Variants in MME observed in about 807,000 individuals in gnomAD.
The protein encoded by MME is membrane metalloendopeptidase.
MME carries 98 observed loss-of-function variants against 113.2 expected under a neutral mutation model. That is an observed-to-expected ratio of 0.87 (90% CI 0.74 to 1.02). The LOEUF (loss-of-function observed/expected upper bound fraction) is 1.02, where lower values mean the gene tolerates loss of function less well. MME is among the 50% of genes least tolerant of loss of function. The pLI is 0.00. For missense variants in MME, 836 were observed against 896.0 expected (o/e 0.93, Z 0.86); for synonymous variants, 292 against 300.6 (o/e 0.97, Z 0.30).
chr3:155,152,375 C>T (rs931926401), intron 16 of MME, among the ~76,000 whole-genome samples: 4 of 152,232 alleles, frequency 2.6e-5, no homozygotes, highest in South Asian at 4.1e-4. Flanking sequence ...CATTTTACTA[C>T]GTTTAGTTGG....
chr3:155,025,755 C>T (rs1357323486), intron 1 of MME, among the ~76,000 whole-genome samples: 4 of 134,772 alleles, frequency 3.0e-5, no homozygotes, highest in Non-Finnish European at 4.7e-5. Flanking sequence ...TGCAATGGCA[C>T]GATCTCGGCT....
At chr3:155,138,813 A>T (rs1720840432) in intron 9 of MME, among the ~76,000 whole-genome samples, 1 of 152,140 alleles carries the variant, frequency 6.6e-6, no homozygotes, top group African/African-American at 2.4e-5. Flanking sequence ...TTGGAGTCTG[A>T]GTTGGCACTT....
At chr3:155,172,358 A>G (rs1473351346) in intron 21 of MME, 146 bp downstream of exon 21, 1 of 795,054 alleles carries the variant, frequency 1.3e-6, no homozygotes, top group Non-Finnish European at 2.2e-6. Context: ...CTGTTGGATC[A>G]TATTAATGAT....
chr3:155,160,394 A>G lies in MME; in HGVS notation c.1606A>G (p.Ile536Val), dbSNP rs201069829. ...GAGTTCTTATGTTTTCTACAGGTGG[A>G]TAAGTGGAGCAGCTGTAGTCAATGC... Reference protein sequence around the residue: ...LREKVDKDEWISGAAVVNAFY... With the variant: ...LREKVDKDEWVSGAAVVNAFY... The change falls in exon 17 of 23, where the codon ATA becomes GTA. Residue 536 changes from isoleucine (I) to valine (V), a missense_variant. By Grantham distance (29) the Ile-to-Val change is conservative. Coordinates refer to ENST00000360490, the MANE Select transcript of MME (RefSeq NM_007289.4). The G allele has an allele frequency of 6.2e-7, 1 of 1,605,610 alleles. No homozygotes were observed. The highest frequency in any genetic ancestry group is 8.5e-7 in the Non-Finnish European group (1 of 1,172,606).
chr3:155,161,375 T>C (rs1722712005), intron 17 of MME, among the ~76,000 whole-genome samples: 1 of 152,124 alleles, frequency 6.6e-6, no homozygotes, highest in Admixed American at 6.6e-5. Flanking sequence ...AGAGAGATGA[T>C]AATCTCAGCA....
intron 16 of MME, among the ~76,000 whole-genome samples, chr3:155,157,075 T>G (rs1722371316): frequency 6.6e-6 from 1 of 152,112 alleles, no homozygotes; most frequent in Non-Finnish European, 1.5e-5. Flanking sequence ...GTCAGGTATA[T>G]TTCAGTTCTA....
chr3:155,139,667 T>C (rs553851946), intron 9 of MME, among the ~76,000 whole-genome samples: 69 of 152,300 alleles, frequency 4.5e-4, no homozygotes, highest in African/African-American at 1.5e-3. Context: ...ATGTTGCCAT[T>C]CTCAGATAAC....
chr3:155,164,328 C>A (rs1314341159), intron 17 of MME, among the ~76,000 whole-genome samples: 3 of 151,946 alleles, frequency 2.0e-5, no homozygotes, highest in Admixed American at 6.6e-5. Context: ...TGCTTCATGG[C>A]CCAATGACTT....
At chr3:155,029,851 A>C (rs763850851) in intron 1 of MME, among the ~76,000 whole-genome samples, 4 of 152,178 alleles carry the variant, frequency 2.6e-5, no homozygotes, top group Admixed American at 6.5e-5. Context: ...CAATTAATTA[A>C]AGTTCTTTCC....
chr3:155,055,781 G>A (rs1224930294), intron 1 of MME, among the ~76,000 whole-genome samples: 2 of 152,154 alleles, frequency 1.3e-5, no homozygotes, highest in Non-Finnish European at 2.9e-5. Context: ...GTGATTGCCA[G>A]TTATGCAGGC....
intron 8 of MME, 30 bp downstream of exon 8, chr3:155,118,841 A>G: frequency 7.4e-7 from 1 of 1,346,442 alleles, no homozygotes; most frequent in Non-Finnish European, 1.1e-6. Flanking sequence ...TCAAAACCAA[A>G]CTACAAAATG....
intron 20 of MME, among the ~76,000 whole-genome samples, chr3:155,170,629 G>A (rs1452507412): frequency 6.6e-6 from 1 of 151,942 alleles, no homozygotes; most frequent in Non-Finnish European, 1.5e-5. Context: ...CCTAGCATTG[G>A]GTATTTTGCT....
intron 1 of MME, among the ~76,000 whole-genome samples, chr3:155,069,188 A>G (rs1714474814): frequency 6.6e-6 from 1 of 152,200 alleles, no homozygotes; most frequent in Non-Finnish European, 1.5e-5. Flanking sequence ...GATATGGATA[A>G]AAACAGTCAA....
chr3:155,064,460 G>GT (rs1714320629), intron 1 of MME, among the ~76,000 whole-genome samples: 1 of 152,092 alleles, frequency 6.6e-6, no homozygotes, highest in African/African-American at 2.4e-5. Context: ...AAAAAGGTTT[G>GT]TTTCATTTCT....
At chr3:155,065,601 A>T (rs993872269) in intron 1 of MME, among the ~76,000 whole-genome samples, 1 of 152,224 alleles carries the variant, frequency 6.6e-6, no homozygotes, top group Non-Finnish European at 1.5e-5. Context: ...TTGTCTCTTT[A>T]TCTGCTAGTA....
chr3:155,122,314 CT>C, intron 8 of MME, among the ~76,000 whole-genome samples: 1 of 150,050 alleles, frequency 6.7e-6, no homozygotes, highest in African/African-American at 2.4e-5. Flanking sequence ...CTCTTTTTTT[CT>C]TTATTAGTCT....
At chr3:155,028,215 A>G (rs1712851193) in intron 1 of MME, among the ~76,000 whole-genome samples, 1 of 152,220 alleles carries the variant, frequency 6.6e-6, no homozygotes, top group Non-Finnish European at 1.5e-5. Context: ...CAGAAGAGAA[A>G]CAAGTAAACA....
intron 17 of MME, among the ~76,000 whole-genome samples, chr3:155,164,807 T>C (rs1386938042): frequency 6.6e-6 from 1 of 152,232 alleles, no homozygotes; most frequent in African/African-American, 2.4e-5. Context: ...ATAACTTTCA[T>C]AAAAATTCTC....
intron 10 of MME, among the ~76,000 whole-genome samples, chr3:155,140,863 C>G (rs905575873): frequency 2.0e-5 from 3 of 152,210 alleles, no homozygotes; most frequent in Admixed American, 2.0e-4. Flanking sequence ...CCTTTTAACT[C>G]CAAAAAAGGA....
Sources: gnomAD v4.1 joint callset for allele counts (sites outside exome capture counted in the v4.1 genomes callset) on GRCh38, gnomAD v4.1.1 for gene constraint, MANE v1.5 for transcripts, NCBI Gene and HGNC (gene_info 2026-07-23, HGNC 2026-07-21) for gene names.